UBE2E2: variants seen among roughly 807,000 people sequenced by gnomAD.
The protein encoded by UBE2E2 is ubiquitin-conjugating enzyme E2 E2.
UBE2E2 carries 6 observed loss-of-function variants against 24.7 expected under a neutral mutation model. The observed-to-expected ratio is 0.24, with a 90% CI of 0.13 to 0.48. UBE2E2 has a LOEUF of 0.48. Among genes scored for constraint, UBE2E2 ranks in the 20% least tolerant of loss-of-function variants. The pLI, the probability that UBE2E2 is intolerant of heterozygous loss-of-function variation, is 0.99. For synonymous variants in UBE2E2, 104 were observed against 83.6 expected (o/e 1.24, Z -1.33); for missense variants, 169 against 245.0 (o/e 0.69, Z 2.07).
At chr3:23,468,188 C>T (rs888061105) in intron 3 of UBE2E2, among the ~76,000 whole-genome samples, 13 of 152,160 alleles carry the variant, frequency 8.5e-5, no homozygotes, top group African/African-American at 3.1e-4. Context: ...TTCTCCTGCC[C>T]ACCTCCTTTC....
chr3:23,546,616 G>A (rs1156920306), intron 5 of UBE2E2, among the ~76,000 whole-genome samples: 1 of 151,422 alleles, frequency 6.6e-6, no homozygotes, highest in Non-Finnish European at 1.5e-5. Context: ...TGAAATTACA[G>A]GCATGCACCA....
chr3:23,584,540 T>C (rs1161492455), intron 5 of UBE2E2, among the ~76,000 whole-genome samples: 3 of 150,310 alleles, frequency 2.0e-5, no homozygotes, highest in African/African-American at 7.4e-5. Context: ...AGAGGTAGAT[T>C]ACGCAATATG....
chr3:23,575,513 TACTC>T (rs373963621), intron 5 of UBE2E2, among the ~76,000 whole-genome samples: 4 of 152,196 alleles, frequency 2.6e-5, no homozygotes, highest in East Asian at 1.9e-4. Context: ...ATGAACAAAA[TACTC>T]ACAGAAGAAA....
rs941489481 is a variant in UBE2E2 at position 23,583,690 on chromosome 3, T to G, written c.509-6044T>G. ...TTCTTTGTGGCTATTGTGAATGGGA[T>G]TGTGTTCTTGTTTTGGCTCTCAGCC... On this transcript the variant is annotated intron_variant, in intron 5 of 5. Transcript: ENST00000396703. The surrounding 1 kb of genome is among the most constrained non-coding windows in gnomAD (Gnocchi z 4.1). Among the ~76,000 whole-genome samples the G allele has an allele frequency of 4.6e-5, 7 of 152,168 alleles. No homozygotes were observed. Among genetic ancestry groups the G allele is most frequent in the Non-Finnish European group, 4.4e-5 (3 of 68,018 alleles).
intron 3 of UBE2E2, among the ~76,000 whole-genome samples, chr3:23,458,233 A>G (rs1182121770): frequency 1.3e-5 from 2 of 152,070 alleles, no homozygotes; most frequent in Non-Finnish European, 2.9e-5. Context: ...CGCAGGGAAC[A>G]GGAAGGCCCA....
At chr3:23,389,469 G>C (rs1696885074) in intron 3 of UBE2E2, among the ~76,000 whole-genome samples, 1 of 152,214 alleles carries the variant, frequency 6.6e-6, no homozygotes, top group Admixed American at 6.5e-5. Context: ...TCTCCGGGGA[G>C]GACATTAGGG....
At chr3:23,387,717 G>C (rs1343754559) in intron 3 of UBE2E2, among the ~76,000 whole-genome samples, 1 of 152,158 alleles carries the variant, frequency 6.6e-6, no homozygotes, top group Non-Finnish European at 1.5e-5. Context: ...TGAAGTGCCT[G>C]ACAGGCCATT....
At chr3:23,509,925 G>A (rs6807859) in intron 4 of UBE2E2, among the ~76,000 whole-genome samples, 27,009 of 151,846 alleles carry the variant, frequency 0.18, 2,476 homozygotes, top group Middle Eastern at 0.23. Context: ...TTTTATGGCC[G>A]CATAGTATTC....
intron 5 of UBE2E2, among the ~76,000 whole-genome samples, chr3:23,579,929 A>G (rs974029969): frequency 2.0e-5 from 3 of 152,208 alleles, no homozygotes; most frequent in Admixed American, 2.0e-4. Context: ...GGGTTTCACA[A>G]CTTTTATTGG....
rs192525172 is a variant in UBE2E2, at chr3:23,486,880, A to G, written c.228-12728A>G. On this transcript the variant is annotated intron_variant, in intron 3 of 5. Transcript: ENST00000396703. ...ATGAAGTTCTCACTCTAAGTTGCAGACTCCACCTTGGATTGGCAGCCCAGT... is the reference window on the plus strand; with the variant it reads ...ATGAAGTTCTCACTCTAAGTTGCAGGCTCCACCTTGGATTGGCAGCCCAGT... Among the ~76,000 whole-genome samples, 31 of 152,050 alleles carry G rather than the reference A, an allele frequency of 2.0e-4. No individual in the cohort carries two copies. In the East Asian group the frequency reaches 4.6e-3, roughly 23 times the overall value.
In UBE2E2 at chr3:23,250,539, A is replaced by G. The variant is rs545681078; in HGVS notation, c.227+33227A>G. ...AGTATTGTTTCCTCATATTCTGTCA[A>G]TTTTTGTTAGATGCATTTGTATGAA... On this transcript the variant is annotated intron_variant, in intron 3 of 5. Coordinates refer to ENST00000396703, the MANE Select transcript of UBE2E2 (RefSeq NM_152653.4). 3.3e-5 allele frequency among the ~76,000 whole-genome samples: 5 copies of G among 152,270 alleles called. No individual in the cohort carries two copies. The South Asian group carries it at 8.3e-4, about 25-fold the overall frequency.
chr3:23,531,098 A>T (rs1355221984), intron 4 of UBE2E2, among the ~76,000 whole-genome samples: 1 of 152,188 alleles, frequency 6.6e-6, no homozygotes, highest in East Asian at 1.9e-4. Context: ...TAGAAGTACT[A>T]ATTTAACCTG....
At chr3:23,204,799 T>C in intron 1 of UBE2E2, 1 of 970,162 alleles carries the variant, frequency 1.0e-6, no homozygotes, top group Non-Finnish European at 1.2e-6. Context: ...TTATTTTACA[T>C]TTTAGAAAAG....
At chr3:23,577,045 C>G (rs1191495742) in intron 5 of UBE2E2, among the ~76,000 whole-genome samples, 2 of 151,764 alleles carry the variant, frequency 1.3e-5, no homozygotes, top group Non-Finnish European at 2.9e-5. Context: ...ATATTTCAAA[C>G]TTTATTATTA....
chr3:23,579,724 C>T (rs1228685101), intron 5 of UBE2E2, among the ~76,000 whole-genome samples: 1 of 151,990 alleles, frequency 6.6e-6, no homozygotes, highest in African/African-American at 2.4e-5. Flanking sequence ...AAAAAGAATA[C>T]TATTTCCTAA....
At chr3:23,261,174 A>AT (rs373005556) in intron 3 of UBE2E2, among the ~76,000 whole-genome samples, 195 of 146,314 alleles carry the variant, frequency 1.3e-3, no homozygotes, top group Middle Eastern at 3.6e-3. Context: ...CTGTGGTAGA[A>AT]TTTTTTTTTT....
chr3:23,338,934 A>C (rs1185709035), intron 3 of UBE2E2, among the ~76,000 whole-genome samples: 1 of 152,186 alleles, frequency 6.6e-6, no homozygotes, highest in African/African-American at 2.4e-5. Flanking sequence ...TGGACAATGT[A>C]AGATGGTTAT....
At chr3:23,234,456 C>G (rs1001358929) in intron 3 of UBE2E2, among the ~76,000 whole-genome samples, 1 of 152,162 alleles carries the variant, frequency 6.6e-6, no homozygotes, top group African/African-American at 2.4e-5. Flanking sequence ...CCTCCATGGT[C>G]AGCCCCATCA....
At chr3:23,422,802 A>C (rs9879132) in intron 3 of UBE2E2, among the ~76,000 whole-genome samples, 2 of 152,172 alleles carry the variant, frequency 1.3e-5, no homozygotes, top group Non-Finnish European at 2.9e-5. Context: ...AGTGGTGTTC[A>C]AGCTAATAGT....
Sources: gnomAD v4.1 joint callset for allele counts (sites outside exome capture counted in the v4.1 genomes callset) on GRCh38, gnomAD v4.1.1 for gene constraint, Gnocchi (gnomAD v3.1) non-coding constraint, MANE v1.5 for transcripts, NCBI Gene and HGNC (gene_info 2026-07-23, HGNC 2026-07-21) for gene names.